Variants in TTN observed in about 807,000 individuals in gnomAD.
TTN encodes titin, also known as connectin.
TTN carries 1,525 observed loss-of-function variants against 3,223.0 expected under a neutral mutation model. The ratio of observed to expected loss-of-function variants is 0.47; its 90% CI spans 0.45 to 0.49. The LOEUF (loss-of-function observed/expected upper bound fraction) is 0.49. Ranked by LOEUF, TTN falls within the 20% of genes least tolerant of loss-of-function variation. The pLI, the probability that TTN is intolerant of heterozygous loss-of-function variation, is 0.00. For missense variants in TTN, 40,786 were observed against 43,424.0 expected (o/e 0.94, Z 5.40); for synonymous variants, 14,094 against 15,161.0 (o/e 0.93, Z 5.17).
intron 47 of TTN, chr2:178,742,977 A>T (rs1426266528): frequency 6.6e-6 from 1 of 152,070 alleles, no homozygotes; most frequent in Admixed American, 6.6e-5. Flanking sequence ...TCAGGTATTT[A>T]TTATTTTAAG....
intron 343 of TTN, 46 bp from the exon 344 acceptor site, chr2:178,545,739 T>C: frequency 6.3e-7 from 1 of 1,599,552 alleles, no homozygotes; most frequent in African/African-American, 1.3e-5. Flanking sequence ...AAATTACTAT[T>C]GATAAGACTG....
rs763099701 is a variant in TTN at position 178,569,790 on chromosome 2, T to G, written c.76342A>C (p.Ser25448Arg). 4 of 1,613,304 alleles carry G rather than the reference T, an allele frequency of 2.5e-6. No homozygotes were observed. The highest frequency in any genetic ancestry group is 2.2e-5 in the South Asian group (2 of 91,048). The change falls in exon 326 of 363, where the codon AGT becomes CGT. Residue 25448 changes from serine to arginine, a missense_variant. Transcript: ENST00000589042. ...GTGCACATTGTCCATTCACCAACAC[T>G]CACATCACATTTTTCAACAATGTAT... ...QGYIVEKCDV[S>R]VGEWTMCTPP... is the part of the protein sequence containing the mutation.
intron 311 of TTN, 92 bp downstream of exon 311, chr2:178,584,184 G>C: frequency 7.2e-7 from 1 of 1,389,846 alleles, no homozygotes; most frequent in Non-Finnish European, 9.7e-7. Flanking sequence ...ACTACTCTCT[G>C]TGTCTTGGAG....
rs138401398 is a variant in TTN, at chr2:178,757,511, ATCAAAG to A, written c.10678+25_10678+30del. 2.0e-3 allele frequency: 3,013 copies of A among 1,521,330 alleles called. 60 individuals are homozygous for A. The African/African-American group carries it at 0.037, about 19-fold the overall frequency. 94.2% of individuals were successfully genotyped at this position (1,521,330 alleles called of 1,614,324 possible). A position where few individuals can be genotyped will look rare whatever the true frequency, so the allele number is the denominator to read the frequency against. On this transcript the variant is annotated intron_variant, in intron 45 of 362. Coordinates refer to ENST00000589042, the MANE Select transcript of TTN (RefSeq NM_001267550.2). Reference sequence around the variant, plus strand: ...AGTGGGACTGAGAGGTATACAGCAAATCAAAGTCCTTGAAGCAAGATGGGCTTTACC... The same window carrying A: ...AGTGGGACTGAGAGGTATACAGCAAATCCTTGAAGCAAGATGGGCTTTACC...
chr2:178,610,315 G>C lies in TTN; in HGVS notation c.51211C>G (p.Pro17071Ala). 4 of 1,612,878 alleles carry C rather than the reference G, an allele frequency of 2.5e-6. No homozygotes were observed. Among genetic ancestry groups the C allele is most frequent in the East Asian group, 2.2e-5 (1 of 44,726 alleles). The change falls in exon 271 of 363, where the codon CCA becomes GCA. Residue 17071 changes from proline (P) to alanine (A), a missense_variant. By Grantham distance (27) the Pro-to-Ala change is conservative. Transcript: ENST00000589042. ...ATTGGGGTTCCACCATCAAATTCTG[G>C]AGGTTCCCAAGTTAACTTACAAGAA... ...KSSCKLTWEP[P>A]EFDGGTPILH...
At chr2:178,774,704 A>C (rs893325056) in intron 29 of TTN, 66 of 713,832 alleles carry the variant, frequency 9.2e-5, no homozygotes, top group Non-Finnish European at 1.3e-4. Flanking sequence ...AAAAACTTAA[A>C]AGCTAAAAAT....
In TTN at chr2:178,724,158, G is replaced by T. The variant is rs2078930229; in HGVS notation, c.21116-15C>A. 1 of 1,597,598 alleles carries T rather than the reference G, an allele frequency of 6.3e-7. No individual in the cohort carries two copies. The highest frequency in any genetic ancestry group is 1.3e-5 in the African/African-American group (1 of 74,202). ...AACTGCTCGGTCTGTGTGAGGAAAG[G>T]TAAGAGACTCATCATGATTTGAAAG... is the stretch of plus-strand genomic sequence containing the variant. On this transcript the variant is annotated splice_polypyrimidine_tract_variant and intron_variant, in intron 72 of 362. Transcript: ENST00000589042.
At chr2:178,750,879 CT>C (rs771479572) in intron 47 of TTN, 3 of 1,612,944 alleles carry the variant, frequency 1.9e-6, no homozygotes, top group Non-Finnish European at 2.5e-6. Flanking sequence ...GCCATAATTT[CT>C]TCCAGCTGTC....
At chr2:178,626,615 C>T (rs1277193169) in intron 240 of TTN, among the ~76,000 whole-genome samples, 1 of 151,868 alleles carries the variant, frequency 6.6e-6, no homozygotes, top group Non-Finnish European at 1.5e-5. Flanking sequence ...TGGTTAGTCA[C>T]ATAATTATCT....
At position 178,750,058 on chromosome 2, in the gene TTN, T is replaced by C. The variant is rs776242294; in HGVS notation, c.11311+3066A>G. 9 of 1,613,126 alleles carry C rather than the reference T, an allele frequency of 5.6e-6. No individual in the cohort carries two copies. In the Admixed American group the frequency reaches 1.3e-4, roughly 24 times the overall value. The stretch of plus-strand genomic sequence containing the variant: ...CTTCTTTAGACTCTTTATCCTGTTC[T>C]GGGATAGGAGTAGCTGCTGTTACCT... On this transcript the variant is annotated intron_variant, in intron 47 of 362. Transcript: ENST00000589042.
In TTN at chr2:178,612,406, C is replaced by T. The variant is rs1158553720; in HGVS notation, c.50119G>A (p.Asp16707Asn). ...GWQTVDTTVK[D>N]TKCTVTPLTE... ...AGTGGGGTGACTGTGCACTTGGTGT[C>T]CTTGACAGTGGTATCCACTGTTTGC... Residue 16707 changes from aspartate (D) to asparagine (N), a missense_variant, in exon 266 of 363, where the codon GAC (aspartate) becomes AAC (asparagine). Physicochemically the swap from Asp to Asn is conservative, Grantham distance 23. Coordinates refer to ENST00000589042, the MANE Select transcript of TTN (RefSeq NM_001267550.2). 4.3e-6 allele frequency: 7 copies of T among 1,612,388 alleles called. No homozygotes were observed. The East Asian group carries it at 9.0e-5, about 21-fold the overall frequency.
chr2:178,696,168 T>C lies in TTN; in HGVS notation c.30904A>G (p.Lys10302Glu). ...VQKEKEAVYE[K>E]KQAVHKEKRV... ...TTCTCCTTGTGGACTGCTTGCTTTT[T>C]CTCATACACAGCTTCTTTTTCTTTC... The change falls in exon 114 of 363, where the codon AAA (lysine) becomes GAA (glutamate). Residue 10302 changes from lysine to glutamate, a missense_variant. By Grantham distance (56) the Lys-to-Glu change is moderately conservative (BLOSUM62 1). Coordinates refer to ENST00000589042, the MANE Select transcript of TTN (RefSeq NM_001267550.2). 1 of 1,557,432 alleles carries C rather than the reference T, an allele frequency of 6.4e-7. No individual in the cohort carries two copies. The highest frequency in any genetic ancestry group is 1.4e-5 in the African/African-American group (1 of 73,636).
intron 270 of TTN, 71 bp from the exon 271 acceptor site, chr2:178,610,460 A>T: frequency 6.7e-7 from 1 of 1,503,756 alleles, no homozygotes; most frequent in Non-Finnish European, 9.1e-7. Flanking sequence ...CTTGTCTCTA[A>T]GTGGGGCTAT....
At chr2:178,637,146 GATATATATATATATATATAT>G (rs61216469) in intron 224 of TTN, among the ~76,000 whole-genome samples, 1,894 of 49,222 alleles carry the variant, frequency 0.038, 134 homozygotes, top group African/African-American at 0.082. Flanking sequence ...AATATAGTTG[GATATATATATATATATATAT>G]ATATATATAT....
Position 178,769,829 on chromosome 2 carries a change from C to G in TTN, c.8752G>C (p.Gly2918Arg). 1 of 1,614,012 alleles carries G rather than the reference C, an allele frequency of 6.2e-7. No homozygotes were observed. Among genetic ancestry groups the G allele is most frequent in the Non-Finnish European group, 8.5e-7 (1 of 1,179,990 alleles). Residue 2918 changes from glycine (G) to arginine (R), a missense_variant, in exon 37 of 363, where the codon GGT becomes CGT. Coordinates refer to ENST00000589042, the MANE Select transcript of TTN (RefSeq NM_001267550.2). Reference protein sequence around the residue: ...FNVPSMWLKNGVEIEMSEKFK... With the variant: ...FNVPSMWLKNRVEIEMSEKFK... ...TTTTCACTCATCTCAATTTCCACAC[C>G]ATTCTTCAGCCACATGGAAGGGACA... is the stretch of plus-strand genomic sequence containing the variant.
rs2050889894 is a variant in TTN, at chr2:178,594,141, C to T, written c.58252G>A (p.Val19418Ile). ...GRYSGKPKPK[V>I]SWFKDEADVL... Reference sequence around the variant, plus strand: ...TCAGCTTCATCTTTGAACCAGGAAACCTTAGGCTTTGGTTTGCCTGAGTAA... The same window carrying T: ...TCAGCTTCATCTTTGAACCAGGAAATCTTAGGCTTTGGTTTGCCTGAGTAA... Residue 19418 changes from valine (V) to isoleucine (I), a missense_variant, in exon 297 of 363, where the codon GTT becomes ATT. Val to Ile is a conservative substitution (Grantham distance 29). Transcript: ENST00000589042. 1 of 1,613,372 alleles carries T rather than the reference C, an allele frequency of 6.2e-7. No homozygotes were observed. Among genetic ancestry groups the T allele is most frequent in the Non-Finnish European group, 8.5e-7 (1 of 1,179,618 alleles).
At chr2:178,725,680 G>A (rs2079219900) in intron 70 of TTN, 31 bp from the exon 71 acceptor site, 1 of 1,551,952 alleles carries the variant, frequency 6.4e-7, no homozygotes, top group Non-Finnish European at 8.7e-7. Context: ...GGAAATTGTT[G>A]AAAAGATTGT....
rs1247699000 is a variant in TTN, at chr2:178,635,218, C to A, written c.41971G>T (p.Ala13991Ser). 1 of 1,613,308 alleles carries A rather than the reference C, an allele frequency of 6.2e-7. No individual in the cohort carries two copies. ...AGTTTCCATTGTCCAGGAATGTCTG[C>A]CTCTGAGATTTCTGCATCAAAGCTT... ...SASFDAEISEADIPGQWKLKG... is the reference protein window; with the variant it reads ...SASFDAEISESDIPGQWKLKG... The change falls in exon 228 of 363, where the codon GCA (alanine) becomes TCA (serine). Residue 13991 changes from alanine to serine, a missense_variant. Ala to Ser is a moderately conservative substitution (Grantham distance 99). Transcript: ENST00000589042.
At chr2:178,676,791 CT>C (rs1294384372) in intron 147 of TTN, among the ~76,000 whole-genome samples, 3 of 151,718 alleles carry the variant, frequency 2.0e-5, no homozygotes, top group Admixed American at 6.6e-5. Context: ...ATACATTCAT[CT>C]TTTTTTCTTT....
Sources: gnomAD v4.1 joint callset for allele counts (sites outside exome capture counted in the v4.1 genomes callset) on GRCh38, gnomAD v4.1.1 for gene constraint, MANE v1.5 for transcripts, NCBI Gene and HGNC (gene_info 2026-07-23, HGNC 2026-07-21) for gene names.